Variants in ERAP1 observed in about 807,000 individuals in gnomAD.
The protein encoded by ERAP1 is endoplasmic reticulum aminopeptidase 1, also known as adipocyte-derived leucine aminopeptidase.
A neutral mutation model predicts 103.7 loss-of-function variants in ERAP1; 86 were observed. The observed-to-expected ratio is 0.83, with a 90% CI of 0.70 to 0.99. The LOEUF is 0.99. Among genes scored for constraint, ERAP1 ranks in the 50% least tolerant of loss-of-function variants. The pLI, the probability that ERAP1 is intolerant of heterozygous loss-of-function variation, is 0.00. For synonymous variants in ERAP1, 398 were observed against 402.4 expected (o/e 0.99, Z 0.13); for missense variants, 1,009 against 1,128.4 (o/e 0.89, Z 1.52).
chr5:96,763,177 T>G, exon 20 of ERAP1: 1 of 780,708 alleles, frequency 1.3e-6, no homozygotes, highest in Non-Finnish European at 2.4e-6. Flanking sequence ...TTTAGTGCTG[T>G]AGTCTGAGAT....
intron 13 of ERAP1, chr5:96,784,727 A>G (rs1276429996): frequency 6.5e-6 from 1 of 154,046 alleles, no homozygotes; most frequent in East Asian, 1.9e-4. Flanking sequence ...AGCCTGGTCA[A>G]ACAGACTATC....
chr5:96,835,232 G>A, the ERAP1 span, among the ~76,000 whole-genome samples: 2 of 152,190 alleles, frequency 1.3e-5, no homozygotes, highest in African/African-American at 2.4e-5. Context: ...TGGAGTTGTC[G>A]AGCTGGTTAT....
At chr5:96,784,216 C>A (rs1359708502) in intron 13 of ERAP1, 136 bp from the exon 14 acceptor site, 3 of 929,322 alleles carry the variant, frequency 3.2e-6, no homozygotes. Flanking sequence ...TAACTACGGC[C>A]GGGCGCGGTG....
chr5:96,848,171 C>A, the ERAP1 span, among the ~76,000 whole-genome samples: 1 of 152,170 alleles, frequency 6.6e-6, no homozygotes, highest in Non-Finnish European at 1.5e-5. Flanking sequence ...GCCTCAGCCT[C>A]CAGAGCAGCT....
At position 96,790,287 on chromosome 5, in the gene ERAP1, G is replaced by A; in HGVS notation, c.1524+9C>T. On this transcript the variant is annotated intron_variant, in intron 10 of 18. Transcript: ENST00000443439. ...GCTTGGGGGAACATGTACAGATATA[G>A]AAACTTACTGAGGATGAAGATGAAT... is the stretch of plus-strand genomic sequence containing the variant. 1 of 1,613,356 alleles carries A rather than the reference G, an allele frequency of 6.2e-7. No individual in the cohort carries two copies. Among genetic ancestry groups the A allele is most frequent in the East Asian group, 2.2e-5 (1 of 44,862 alleles).
At chr5:96,840,006 C>T in the ERAP1 span, among the ~76,000 whole-genome samples, 1 of 152,184 alleles carries the variant, frequency 6.6e-6, no homozygotes, top group Non-Finnish European at 1.5e-5. Flanking sequence ...TTGCTTGTCT[C>T]CTCTGCTAGA....
At chr5:96,841,005 G>C in the ERAP1 span, among the ~76,000 whole-genome samples, 6 of 152,152 alleles carry the variant, frequency 3.9e-5, no homozygotes, top group Admixed American at 1.3e-4. Flanking sequence ...CGCCCGGCCA[G>C]GCATTGGTCT....
chr5:96,795,725 C>T (rs1777276187), intron 4 of ERAP1, among the ~76,000 whole-genome samples: 1 of 152,234 alleles, frequency 6.6e-6, no homozygotes, highest in South Asian at 2.1e-4. Flanking sequence ...CCAGTAAGTA[C>T]TCCCAGACAC....
chr5:96,827,664 AAAATAAAT>A, the ERAP1 span, among the ~76,000 whole-genome samples: 1 of 150,858 alleles, frequency 6.6e-6, no homozygotes, highest in Non-Finnish European at 1.5e-5. Flanking sequence ...GACTCATCTC[AAAATAAAT>A]AAATAAATAA....
chr5:96,796,859 C>T (rs748587583), intron 4 of ERAP1, among the ~76,000 whole-genome samples: 4 of 152,172 alleles, frequency 2.6e-5, no homozygotes, highest in African/African-American at 4.8e-5. Flanking sequence ...AGTGCACAAT[C>T]ATACCTCATT....
the ERAP1 span, chr5:96,896,828 G>A: frequency 2.4e-6 from 3 of 1,238,464 alleles, no homozygotes; most frequent in Non-Finnish European, 3.1e-6. Flanking sequence ...CTATAGAAAT[G>A]CTAAGAATGA....
chr5:96,771,265 TAGAA>T (rs1306565667), downstream of ERAP1, among the ~76,000 whole-genome samples: 2 of 152,146 alleles, frequency 1.3e-5, no homozygotes, highest in African/African-American at 2.4e-5. Context: ...TAACAAATAA[TAGAA>T]AGCATAATAA....
the ERAP1 span, among the ~76,000 whole-genome samples, chr5:96,906,414 A>G: frequency 6.6e-6 from 1 of 152,074 alleles, no homozygotes; most frequent in East Asian, 1.9e-4. Context: ...CTACAGGCAC[A>G]CACCACCATG....
At chr5:96,932,449 AAT>A in the ERAP1 span, among the ~76,000 whole-genome samples, 2 of 152,222 alleles carry the variant, frequency 1.3e-5, no homozygotes, top group African/African-American at 2.4e-5. Context: ...ATAGACTTCT[AAT>A]AGATGAAATT....
At chr5:96,765,273 G>C in intron 19 of ERAP1, 2 of 1,596,868 alleles carry the variant, frequency 1.3e-6, no homozygotes, top group Non-Finnish European at 1.7e-6. Context: ...GACAGTCTAG[G>C]ACAAAGGCAG....
the ERAP1 span, among the ~76,000 whole-genome samples, chr5:96,922,009 G>GT: frequency 1.3e-5 from 2 of 152,152 alleles, no homozygotes; most frequent in Non-Finnish European, 2.9e-5. Context: ...TTTAAAAACT[G>GT]TTTTCTAGGC....
chr5:96,847,208 A>T, the ERAP1 span, among the ~76,000 whole-genome samples: 1 of 147,270 alleles, frequency 6.8e-6, no homozygotes, highest in Non-Finnish European at 1.5e-5. Context: ...AGATCATGCC[A>T]TTGCACTCCA....
chr5:96,793,269 C>T, intron 7 of ERAP1, 131 bp downstream of exon 7: 1 of 763,186 alleles, frequency 1.3e-6, no homozygotes, highest in Non-Finnish European at 2.3e-6. Flanking sequence ...CGATTCATAT[C>T]TAAACTGTCA....
chr5:96,801,679 C>T (rs1561287781), intron 2 of ERAP1, among the ~76,000 whole-genome samples: 1 of 151,274 alleles, frequency 6.6e-6, no homozygotes, highest in African/African-American at 2.4e-5. Context: ...TGGTGAAACC[C>T]CATCTCTACT....
Sources: allele counts gnomAD v4.1 joint callset (sites outside exome capture counted in the v4.1 genomes callset), GRCh38; gene constraint gnomAD v4.1.1; transcripts MANE v1.5; gene names NCBI Gene and HGNC (gene_info 2026-07-23, HGNC 2026-07-21).